DENND1B: variants seen among roughly 807,000 people sequenced by gnomAD.
The protein encoded by DENND1B is DENN domain containing 1B, also known as DENN domain-containing protein 1B.
In DENND1B, 59 loss-of-function variants were observed where a neutral mutation model predicts 90.1. That is an observed-to-expected ratio of 0.65 (90% CI 0.53 to 0.81). The LOEUF is 0.81. Among genes scored for constraint, DENND1B ranks in the 40% least tolerant of loss-of-function variants. The pLI is 0.00. For synonymous variants in DENND1B, 337 were observed against 324.6 expected (o/e 1.04, Z -0.41); for missense variants, 862 against 912.6 (o/e 0.94, Z 0.71).
chr1:197,700,633 A>C (rs1658929827), intron 3 of DENND1B, among the ~76,000 whole-genome samples: 1 of 152,178 alleles, frequency 6.6e-6, no homozygotes, highest in African/African-American at 2.4e-5. Flanking sequence ...AGAAAAAGAA[A>C]CTATCATCAG....
intron 2 of DENND1B, among the ~76,000 whole-genome samples, chr1:197,770,718 ATATC>A: frequency 7.0e-6 from 1 of 142,652 alleles, no homozygotes; most frequent in African/African-American, 2.6e-5. Flanking sequence ...ATATAAATAT[ATATC>A]TATAAATATA....
intron 20 of DENND1B, among the ~76,000 whole-genome samples, chr1:197,536,264 C>T (rs552761291): frequency 8.6e-4 from 130 of 152,018 alleles, no homozygotes; most frequent in African/African-American, 2.8e-3. Flanking sequence ...CTAATCCTAC[C>T]GGAAGCCTAG....
chr1:197,518,706 A>G (rs1012781510), intron 20 of DENND1B, among the ~76,000 whole-genome samples: 2 of 151,910 alleles, frequency 1.3e-5, no homozygotes, highest in Admixed American at 1.3e-4. Flanking sequence ...TAGATTTACA[A>G]TGCAAACTCA....
chr1:197,769,337 G>T (rs908476665), intron 2 of DENND1B, among the ~76,000 whole-genome samples: 27 of 152,110 alleles, frequency 1.8e-4, no homozygotes, highest in African/African-American at 6.3e-4. Context: ...TCAGGTGCAT[G>T]CCAACTTAGG....
At chr1:197,604,474 G>A (rs1230090010) in intron 13 of DENND1B, among the ~76,000 whole-genome samples, 3 of 151,130 alleles carry the variant, frequency 2.0e-5, no homozygotes, top group Non-Finnish European at 4.4e-5. Flanking sequence ...ACACAGCAGA[G>A]GGTCCACAGG....
intron 9 of DENND1B, 41 bp from the exon 10 acceptor site, chr1:197,642,862 G>C (rs1020920610): frequency 7.0e-7 from 1 of 1,423,396 alleles, no homozygotes; most frequent in African/African-American, 1.4e-5. Flanking sequence ...ACAGCTCATA[G>C]TGAATGTGAA....
intron 2 of DENND1B, chr1:197,747,105 A>T (rs142076298): frequency 2.9e-5 from 22 of 771,814 alleles, no homozygotes; most frequent in African/African-American, 2.4e-4. Flanking sequence ...GTTCACTGTG[A>T]GATTCTTTTT....
At chr1:197,760,805 C>T (rs928027115) in intron 2 of DENND1B, among the ~76,000 whole-genome samples, 9 of 151,972 alleles carry the variant, frequency 5.9e-5, no homozygotes, top group East Asian at 5.8e-4. Flanking sequence ...CATTATACTG[C>T]GGGCTCATTT....
intron 10 of DENND1B, among the ~76,000 whole-genome samples, chr1:197,628,511 T>A (rs1392405738): frequency 5.3e-5 from 8 of 151,726 alleles, no homozygotes; most frequent in African/African-American, 1.7e-4. Context: ...CTTACACCTT[T>A]TACAAAAATT....
At chr1:197,659,241 C>G (rs1206941716) in intron 5 of DENND1B, among the ~76,000 whole-genome samples, 1 of 151,408 alleles carries the variant, frequency 6.6e-6, no homozygotes, top group Non-Finnish European at 1.5e-5. Flanking sequence ...ATAGTACATA[C>G]ACATAACATG....
At chr1:197,759,966 C>T (rs918587857) in intron 2 of DENND1B, among the ~76,000 whole-genome samples, 7 of 152,012 alleles carry the variant, frequency 4.6e-5, no homozygotes, top group African/African-American at 1.4e-4. Context: ...TTAAAAAGAT[C>T]GACTTTAATC....
intron 12 of DENND1B, among the ~76,000 whole-genome samples, chr1:197,611,042 C>A (rs1421938831): frequency 6.6e-6 from 1 of 150,738 alleles, no homozygotes; most frequent in Admixed American, 6.6e-5. Flanking sequence ...TCAACAGACT[C>A]ATCTTTGATC....
intron 18 of DENND1B, among the ~76,000 whole-genome samples, chr1:197,545,052 A>AAGGAGAAGAAGAAGG (rs77114737): frequency 8.0e-6 from 1 of 124,846 alleles, no homozygotes; most frequent in Non-Finnish European, 1.6e-5. Context: ...GGAGAAGGAG[A>AAGGAGAAGAAGAAGG]AGAAGAAGAA....
intron 3 of DENND1B, among the ~76,000 whole-genome samples, chr1:197,701,086 C>A (rs758238040): frequency 1.1e-4 from 17 of 152,132 alleles, no homozygotes; most frequent in Non-Finnish European, 1.8e-4. Flanking sequence ...TAAGCATATA[C>A]CCAAAGGAAT....
chr1:197,763,191 G>C (rs1655308799), intron 2 of DENND1B, among the ~76,000 whole-genome samples: 1 of 152,164 alleles, frequency 6.6e-6, no homozygotes, highest in Admixed American at 6.5e-5. Context: ...TACGCCTGTA[G>C]TACTGGCTAC....
chr1:197,529,546 C>T (rs993418468), intron 20 of DENND1B, among the ~76,000 whole-genome samples: 2 of 151,732 alleles, frequency 1.3e-5, no homozygotes, highest in African/African-American at 4.8e-5. Flanking sequence ...CATGCTTGTT[C>T]ACTAGTATAG....
chr1:197,703,332 C>CA (rs776966106), intron 3 of DENND1B, among the ~76,000 whole-genome samples: 3,453 of 145,062 alleles, frequency 0.024, 45 homozygotes, highest in African/African-American at 0.037. Flanking sequence ...AAAGAAAGAA[C>CA]AAAAAAAAAA....
chr1:197,574,621 C>T lies in DENND1B; in HGVS notation c.1149+8531G>A, dbSNP rs181166985. Reference sequence around the variant, plus strand: ...AAGTTCATATGGAACCAAAAAAGAGCGCGCATTGCCAAGACAATCCTAAGC... The same window carrying T: ...AAGTTCATATGGAACCAAAAAAGAGTGCGCATTGCCAAGACAATCCTAAGC... On this transcript the variant is annotated intron_variant, in intron 15 of 22. Coordinates refer to ENST00000620048, the MANE Select transcript of DENND1B (RefSeq NM_001195215.2). Among the ~76,000 whole-genome samples the T allele has an allele frequency of 1.1e-3, 162 of 152,246 alleles. 1 individual carries two copies. The highest frequency in any genetic ancestry group is 3.4e-3 in the African/African-American group (142 of 41,542).
chr1:197,704,745 C>T (rs1468400588), intron 3 of DENND1B, among the ~76,000 whole-genome samples: 1 of 151,598 alleles, frequency 6.6e-6, no homozygotes, highest in Non-Finnish European at 1.5e-5. Context: ...TTACATATTG[C>T]TTTTAAATTC....
Sources: gnomAD v4.1 joint callset for allele counts (sites outside exome capture counted in the v4.1 genomes callset) on GRCh38, gnomAD v4.1.1 for gene constraint, MANE v1.5 for transcripts, NCBI Gene and HGNC (gene_info 2026-07-23, HGNC 2026-07-21) for gene names.